The following PDE4D variants were observed in gnomAD, a reference collection of about 807,000 sequenced individuals.
PDE4D encodes 3',5'-cyclic-AMP phosphodiesterase 4D.
Under a neutral mutation model 87.4 loss-of-function variants are expected in PDE4D, and 24 were observed. That is an observed-to-expected ratio of 0.27 (90% CI 0.20 to 0.39). PDE4D has a LOEUF of 0.39. PDE4D is among the 10% of genes least tolerant of loss of function. PDE4D has a pLI of 1.00. For synonymous variants in PDE4D, 384 were observed against 383.2 expected, an observed-to-expected ratio of 1.00 and a Z score of -0.02; for missense variants, 714 against 1,041.0, an observed-to-expected ratio of 0.69 and a Z score of 4.32.
intron 1 of PDE4D, among the ~76,000 whole-genome samples, chr5:59,377,373 T>G (rs376472922): frequency 6.0e-5 from 9 of 149,020 alleles, no homozygotes; most frequent in African/African-American, 2.0e-4. Context: ...GCTGAGATCA[T>G]GCCACTGCAC....
At chr5:60,286,065 A>G (rs1393212331) in intron 1 of PDE4D, among the ~76,000 whole-genome samples, 1 of 152,222 alleles carries the variant, frequency 6.6e-6, no homozygotes, top group Non-Finnish European at 1.5e-5. Context: ...TCAGGCAAAC[A>G]GGACGCCCGT....
At chr5:59,247,549 C>A (rs1759099937) in intron 1 of PDE4D, among the ~76,000 whole-genome samples, 1 of 152,060 alleles carries the variant, frequency 6.6e-6, no homozygotes, top group Admixed American at 6.6e-5. Context: ...CAATTGTTTA[C>A]TGGTGAACTT....
chr5:60,246,607 AC>A (rs1347008607), intron 1 of PDE4D, among the ~76,000 whole-genome samples: 1 of 151,572 alleles, frequency 6.6e-6, no homozygotes, highest in Non-Finnish European at 1.5e-5. Context: ...TTTAGTTTTC[AC>A]CTTTATAAAG....
At chr5:60,320,577 G>A (rs1006611840) in intron 1 of PDE4D, among the ~76,000 whole-genome samples, 12 of 152,130 alleles carry the variant, frequency 7.9e-5, no homozygotes, top group African/African-American at 2.7e-4. Context: ...CATCGCTCAC[G>A]CTGGGAGCTT....
chr5:59,773,602 A>T (rs1456220014), intron 1 of PDE4D, among the ~76,000 whole-genome samples: 1 of 152,142 alleles, frequency 6.6e-6, no homozygotes, highest in Non-Finnish European at 1.5e-5. Context: ...TTTCTCCTCT[A>T]TATACCTGTC....
chr5:59,907,643 T>C (rs949831897), intron 3 of PDE4D, among the ~76,000 whole-genome samples: 1 of 152,090 alleles, frequency 6.6e-6, no homozygotes, highest in African/African-American at 2.4e-5. Context: ...CACGAACAAA[T>C]CATCATTTAT....
chr5:59,240,974 A>G (rs1207888804), intron 1 of PDE4D, among the ~76,000 whole-genome samples: 3 of 152,188 alleles, frequency 2.0e-5, no homozygotes. Flanking sequence ...AATGGGAATG[A>G]AAACAGTACC....
intron 1 of PDE4D, among the ~76,000 whole-genome samples, chr5:59,365,421 G>A (rs1438241167): frequency 6.6e-6 from 1 of 152,078 alleles, no homozygotes; most frequent in Non-Finnish European, 1.5e-5. Flanking sequence ...GTGTGCCACT[G>A]AACTCCAGCA....
chr5:59,573,047 G>A (rs969577100), intron 1 of PDE4D, among the ~76,000 whole-genome samples: 9 of 152,214 alleles, frequency 5.9e-5, no homozygotes, highest in South Asian at 2.1e-4. Flanking sequence ...CAATGGACAC[G>A]GGGATTTGTG....
intron 1 of PDE4D, among the ~76,000 whole-genome samples, chr5:59,698,287 T>C (rs1215931427): frequency 6.6e-6 from 1 of 152,114 alleles, no homozygotes; most frequent in Non-Finnish European, 1.5e-5. Context: ...GGCTGAGATG[T>C]ATCTGAGTGT....
At chr5:60,147,021 G>A (rs546264669) in intron 2 of PDE4D, among the ~76,000 whole-genome samples, 15 of 152,246 alleles carry the variant, frequency 9.9e-5, no homozygotes, top group African/African-American at 3.1e-4. Context: ...GTTGGTGGGA[G>A]TGTAAATTAA....
intron 1 of PDE4D, among the ~76,000 whole-genome samples, chr5:59,574,099 TATATTTATATATATATATAA>T (rs1561241158): frequency 0.072 from 201 of 2,800 alleles, 1 homozygote; most frequent in Middle Eastern, 0.17. Context: ...TATATAAATA[TATATTTATATATATATATAA>T]ATATATATTT....
intron 1 of PDE4D, among the ~76,000 whole-genome samples, chr5:59,682,078 A>G (rs1426127780): frequency 3.2e-4 from 48 of 151,944 alleles, no homozygotes; most frequent in Admixed American, 3.1e-3. Context: ...ATTATAAATT[A>G]CCCAGTTTGT....
chr5:59,786,455 T>A (rs1426436114), intron 1 of PDE4D, among the ~76,000 whole-genome samples: 2 of 152,240 alleles, frequency 1.3e-5, no homozygotes, highest in African/African-American at 4.8e-5. Flanking sequence ...ACAGGGCTGC[T>A]CTACATCACA....
chr5:60,400,791 G>A (rs1318397485), intron 1 of PDE4D, among the ~76,000 whole-genome samples: 1 of 152,004 alleles, frequency 6.6e-6, no homozygotes, highest in Non-Finnish European at 1.5e-5. Context: ...AATTAGCCGG[G>A]CGTGGTGGCA....
intron 2 of PDE4D, among the ~76,000 whole-genome samples, chr5:60,065,920 C>T (rs1170840071): frequency 6.6e-6 from 1 of 152,076 alleles, no homozygotes; most frequent in East Asian, 1.9e-4. Context: ...TTTATAGCAG[C>T]ATGATTTATA....
At chr5:59,253,126 C>T (rs1003809524) in intron 1 of PDE4D, among the ~76,000 whole-genome samples, 1 of 152,056 alleles carries the variant, frequency 6.6e-6, no homozygotes, top group African/African-American at 2.4e-5. Flanking sequence ...GAGGTTTTTA[C>T]AACATAAAAT....
chr5:59,280,543 C>T (rs559109891), intron 1 of PDE4D, among the ~76,000 whole-genome samples: 108 of 152,206 alleles, frequency 7.1e-4, no homozygotes, highest in African/African-American at 2.5e-3. Context: ...GTCCCTCTTT[C>T]ACATTTCTTG....
intron 2 of PDE4D, among the ~76,000 whole-genome samples, chr5:60,144,422 G>A (rs767626085): frequency 2.6e-5 from 4 of 152,218 alleles, no homozygotes; most frequent in African/African-American, 4.8e-5. Flanking sequence ...AAACTGCTAC[G>A]CTTTCTGTAG....
Sources: allele counts gnomAD v4.1 joint callset (sites outside exome capture counted in the v4.1 genomes callset), GRCh38; gene constraint gnomAD v4.1.1; transcripts MANE v1.5; gene names NCBI Gene and HGNC (gene_info 2026-07-23, HGNC 2026-07-21).